The following CACNA1B variants were observed in gnomAD, a reference collection of about 807,000 sequenced individuals.
The protein encoded by CACNA1B is voltage-dependent N-type calcium channel subunit alpha-1B.
Under a neutral mutation model 247.2 loss-of-function variants are expected in CACNA1B, and 70 were observed. The observed-to-expected ratio is 0.28, with a 90% CI of 0.23 to 0.35. CACNA1B has a LOEUF of 0.35. CACNA1B is among the 10% of genes least tolerant of loss of function. The probability of loss-of-function intolerance (pLI) is 1.00; values close to 1 mark genes in which losing one functional copy is unlikely to be tolerated. For missense variants in CACNA1B, 2,367 were observed against 3,197.4 expected, an observed-to-expected ratio of 0.74 and a Z score of 6.26; for synonymous variants, 1,231 against 1,294.4, an observed-to-expected ratio of 0.95 and a Z score of 1.05.
rs990260591 is a variant in CACNA1B, at chr9:137,899,393, C to T, written c.531-13787C>T. 3.9e-5 allele frequency among the ~76,000 whole-genome samples: 6 copies of T among 152,178 alleles called. No homozygotes were observed. Among genetic ancestry groups the T allele is most frequent in the Non-Finnish European group, 8.8e-5 (6 of 68,026 alleles). ...GGATATGCTTTCTTAACCTCAGTTT[C>T]CTTCTCTTACAAAGAACTGTGTAGT... On this transcript the variant is annotated intron_variant, in intron 3 of 46. Transcript: ENST00000371372. This position sits in a 1 kb window ranked among gnomAD's most constrained non-coding sequence, Gnocchi z 5.0.
At chr9:138,036,744 G>A (rs1959051866) in intron 20 of CACNA1B, among the ~76,000 whole-genome samples, 1 of 152,130 alleles carries the variant, frequency 6.6e-6, no homozygotes, top group Non-Finnish European at 1.5e-5. Flanking sequence ...AAAATGCGGT[G>A]AACTCCTGTG....
At chr9:138,110,804 C>T (rs963387075) in intron 39 of CACNA1B, among the ~76,000 whole-genome samples, 1 of 152,150 alleles carries the variant, frequency 6.6e-6, no homozygotes, top group African/African-American at 2.4e-5. Flanking sequence ...CACGTATCTG[C>T]TATAGGATTA....
intron 15 of CACNA1B, among the ~76,000 whole-genome samples, chr9:137,997,576 A>G (rs952211597): frequency 2.0e-5 from 3 of 152,232 alleles, no homozygotes; most frequent in Non-Finnish European, 4.4e-5. Flanking sequence ...AACTATGATC[A>G]ATTTTACTGC....
chr9:138,106,892 G>C (rs1255348156), intron 39 of CACNA1B, among the ~76,000 whole-genome samples: 4 of 152,148 alleles, frequency 2.6e-5, no homozygotes, highest in Admixed American at 1.3e-4. Context: ...AGCTTCACCA[G>C]AGCTGCCCTT....
chr9:138,046,805 C>T lies in CACNA1B; in HGVS notation c.3414-99C>T. 5 of 1,192,232 alleles carry T rather than the reference C, an allele frequency of 4.2e-6. No individual in the cohort carries two copies. In the South Asian group the frequency reaches 4.2e-5, roughly 10 times the overall value. The allele number at this position is 1,192,232 out of a possible 1,614,324, so 73.9% of individuals were successfully genotyped here. A position where few individuals can be genotyped will look rare whatever the true frequency, so the allele number is the denominator to read the frequency against. ...CTGGGGCCACAGCTTCCTGAGGCAG[C>T]CCAGAGCCCTTTCTGCGGGACGGGC... is the stretch of plus-strand genomic sequence containing the variant. On this transcript the variant is annotated intron_variant, in intron 21 of 46. Coordinates refer to ENST00000371372, the MANE Select transcript of CACNA1B (RefSeq NM_000718.4).
intron 15 of CACNA1B, among the ~76,000 whole-genome samples, chr9:137,997,734 C>CA (rs1471082887): frequency 6.6e-6 from 1 of 152,142 alleles, no homozygotes; most frequent in Non-Finnish European, 1.5e-5. Context: ...TTGGTAGAAC[C>CA]ACTCTGAAGG....
At chr9:137,941,431 A>G (rs980917589) in intron 6 of CACNA1B, among the ~76,000 whole-genome samples, 4 of 152,234 alleles carry the variant, frequency 2.6e-5, no homozygotes, top group African/African-American at 9.6e-5. Flanking sequence ...AAGAAATTAT[A>G]GGTGACACAA....
chr9:138,023,151 G>A lies in CACNA1B; in HGVS notation c.2408G>A (p.Arg803His). Residue 803 changes from arginine (R) to histidine (H), a missense_variant, in exon 19 of 47, where the codon CGC becomes CAC. Arg to His is a conservative substitution (Grantham distance 29, BLOSUM62 0). Transcript: ENST00000371372. ...GAGCGGCTGCGCTTCGCCACTACGCGCCACCTGCGGCCCGACATGAAGACG... is the reference window on the plus strand; with the variant it reads ...GAGCGGCTGCGCTTCGCCACTACGCACCACCTGCGGCCCGACATGAAGACG... ...PEERLRFATTRHLRPDMKTHL... is the reference protein window; with the variant it reads ...PEERLRFATTHHLRPDMKTHL... 1 of 1,535,672 alleles carries A rather than the reference G, an allele frequency of 6.5e-7. No individual in the cohort carries two copies. The highest frequency in any genetic ancestry group is 8.7e-7 in the Non-Finnish European group (1 of 1,149,050).
In CACNA1B at chr9:137,881,693, C is replaced by T. The variant is rs572907853; in HGVS notation, c.391-1051C>T. Among the ~76,000 whole-genome samples, 4 of 152,324 alleles carry T rather than the reference C, an allele frequency of 2.6e-5. No individual in the cohort carries two copies. The highest frequency in any genetic ancestry group is 4.1e-4 in the South Asian group (2 of 4,830). ...ACAGGGCCTTTCCCTGCCAGCCCCA[C>T]GCGTGTGCTCACGAGGAGTCTTTGG... On this transcript the variant is annotated intron_variant, in intron 2 of 46. Coordinates refer to ENST00000371372, the MANE Select transcript of CACNA1B (RefSeq NM_000718.4). This position sits in a 1 kb window ranked among gnomAD's most constrained non-coding sequence, Gnocchi z 4.3.
chr9:138,031,069 C>T (rs1769004680), intron 20 of CACNA1B, among the ~76,000 whole-genome samples: 1 of 151,472 alleles, frequency 6.6e-6, no homozygotes, highest in Non-Finnish European at 1.5e-5. Flanking sequence ...TTTATTATTT[C>T]CTTCTTTCTG....
chr9:138,108,748 A>G (rs1047744012), intron 39 of CACNA1B, among the ~76,000 whole-genome samples: 1 of 151,858 alleles, frequency 6.6e-6, no homozygotes, highest in Non-Finnish European at 1.5e-5. Context: ...TCCTGGGTTC[A>G]CGCCATTCTC....
At position 138,012,788 on chromosome 9, in the gene CACNA1B, G is replaced by A. The variant is rs1007848491; in HGVS notation, c.2161-341G>A. Among the ~76,000 whole-genome samples, 2 of 151,972 alleles carry A rather than the reference G, an allele frequency of 1.3e-5. No homozygotes were observed. The highest frequency in any genetic ancestry group is 2.4e-5 in the African/African-American group (1 of 41,354). On this transcript the variant is annotated intron_variant, in intron 17 of 46. Transcript: ENST00000371372. This position sits in a 1 kb window ranked among gnomAD's most constrained non-coding sequence, Gnocchi z 4.2. Reference sequence around the variant, plus strand: ...ATCCAGGCAGTGGCTGGGTACCTGGGTTAGAGCTCAGAGTAAGGTCAGGAT... The same window carrying A: ...ATCCAGGCAGTGGCTGGGTACCTGGATTAGAGCTCAGAGTAAGGTCAGGAT...
chr9:137,907,436 G>A (rs374938027), intron 3 of CACNA1B, among the ~76,000 whole-genome samples: 1 of 152,278 alleles, frequency 6.6e-6, no homozygotes, highest in East Asian at 1.9e-4. Context: ...CCTAGAAGTG[G>A]CCAAATACTC....
In CACNA1B at chr9:138,102,667, G is replaced by A. The variant is rs1961291970; in HGVS notation, c.5223-44G>A. The A allele has an allele frequency of 8.3e-7, 1 of 1,199,042 alleles. No individual in the cohort carries two copies. The allele number at this position is 1,199,042 out of a possible 1,614,324, so 74.3% of individuals were successfully genotyped here. On this transcript the variant is annotated intron_variant, in intron 37 of 46. Coordinates refer to ENST00000371372, the MANE Select transcript of CACNA1B (RefSeq NM_000718.4). This position sits in a 1 kb window ranked among gnomAD's most constrained non-coding sequence, Gnocchi z 5.4. ...CCCCTCCTGCTGCCGCTCCTCCTGTGGACCACCCCACTGTGCCCTGGCCTC... is the reference window on the plus strand; with the variant it reads ...CCCCTCCTGCTGCCGCTCCTCCTGTAGACCACCCCACTGTGCCCTGGCCTC...
rs1315912241 is a variant in CACNA1B, at chr9:137,899,407, G to C, written c.531-13773G>C. Reference sequence around the variant, plus strand: ...AACCTCAGTTTCCTTCTCTTACAAAGAACTGTGTAGTCTGCCAACTCCTGA... The same window carrying C: ...AACCTCAGTTTCCTTCTCTTACAAACAACTGTGTAGTCTGCCAACTCCTGA... On this transcript the variant is annotated intron_variant, in intron 3 of 46. Coordinates refer to ENST00000371372, the MANE Select transcript of CACNA1B (RefSeq NM_000718.4). The surrounding 1 kb of genome is among the most constrained non-coding windows in gnomAD (Gnocchi z 5.0). Among the ~76,000 whole-genome samples, 5 of 152,144 alleles carry C rather than the reference G, an allele frequency of 3.3e-5. No homozygotes were observed. Among genetic ancestry groups the C allele is most frequent in the Admixed American group, 3.3e-4 (5 of 15,276 alleles).
At chr9:137,984,469 T>A (rs1206737454) in intron 13 of CACNA1B, among the ~76,000 whole-genome samples, 1 of 152,234 alleles carries the variant, frequency 6.6e-6, no homozygotes, top group Non-Finnish European at 1.5e-5. Flanking sequence ...CGGCACACCC[T>A]TTAGCTTTCT....
At position 137,891,250 on chromosome 9, in the gene CACNA1B, A is replaced by T. The variant is rs1957095019; in HGVS notation, c.530+8367A>T. The stretch of plus-strand genomic sequence containing the variant: ...AACCTGTGTTTTCATCTTGCTTGGG[A>T]GAAGTCCCTGGAGCCCCCACTCTCT... On this transcript the variant is annotated intron_variant, in intron 3 of 46. Transcript: ENST00000371372. The surrounding 1 kb of genome is among the most constrained non-coding windows in gnomAD (Gnocchi z 4.3). The T allele has an allele frequency of 6.6e-6, 1 of 152,288 alleles. No individual in the cohort carries two copies. Among genetic ancestry groups the T allele is most frequent in the African/African-American group, 2.4e-5 (1 of 41,454 alleles). The allele number at this position is 152,288 out of a possible 1,614,324, so 9.4% of individuals were successfully genotyped here.
At chr9:138,046,873 G>C in intron 21 of CACNA1B, 31 bp from the exon 22 acceptor site, 1 of 1,606,488 alleles carries the variant, frequency 6.2e-7, no homozygotes, top group African/African-American at 1.3e-5. Context: ...CGGCTGGGGG[G>C]CCTTGTGGTG....
intron 36 of CACNA1B, among the ~76,000 whole-genome samples, chr9:138,089,157 A>C (rs944088049): frequency 1.3e-5 from 2 of 152,002 alleles, no homozygotes; most frequent in African/African-American, 4.8e-5. Context: ...TAAAAACCAG[A>C]GAAGGACACA....
Sources: allele counts gnomAD v4.1 joint callset (sites outside exome capture counted in the v4.1 genomes callset), GRCh38; gene constraint gnomAD v4.1.1; non-coding constraint Gnocchi (gnomAD v3.1); transcripts MANE v1.5; gene names NCBI Gene and HGNC (gene_info 2026-07-23, HGNC 2026-07-21).